Variants in ITPR1 observed in about 807,000 individuals in gnomAD.
ITPR1 encodes inositol 1,4,5-trisphosphate-gated calcium channel ITPR1.
A neutral mutation model predicts 318.4 loss-of-function variants in ITPR1; 96 were observed. The observed-to-expected ratio is 0.30, with a 90% confidence interval of 0.26 to 0.36. ITPR1 has a LOEUF of 0.36. Ranked by LOEUF, ITPR1 falls within the 10% of genes least tolerant of loss-of-function variation. The pLI is 1.00. For synonymous variants in ITPR1, 1,312 were observed against 1,289.9 expected (o/e 1.02, Z -0.37); for missense variants, 2,440 against 3,460.2 (o/e 0.71, Z 7.40).
chr3:4,633,152 G>A (rs2093068572), intron 5 of ITPR1, among the ~76,000 whole-genome samples: 1 of 151,902 alleles, frequency 6.6e-6, no homozygotes, highest in Non-Finnish European at 1.5e-5. Context: ...TGGCCAGGAT[G>A]GTCTCGATCT....
At chr3:4,845,931 A>G (rs930562399) in intron 61 of ITPR1, among the ~76,000 whole-genome samples, 2 of 152,218 alleles carry the variant, frequency 1.3e-5, no homozygotes, top group African/African-American at 4.8e-5. Context: ...TGAATGTTAC[A>G]TTGCATGACT....
intron 23 of ITPR1, among the ~76,000 whole-genome samples, chr3:4,676,013 A>G (rs879612031): frequency 1.3e-5 from 2 of 152,102 alleles, no homozygotes; most frequent in Non-Finnish European, 2.9e-5. Flanking sequence ...TTATGTACCT[A>G]GTTCTGTGCT....
At chr3:4,777,007 T>A (rs2046526606) in intron 47 of ITPR1, among the ~76,000 whole-genome samples, 1 of 152,236 alleles carries the variant, frequency 6.6e-6, no homozygotes, top group Non-Finnish European at 1.5e-5. Context: ...CTGTGCTGCA[T>A]GATTTGGATT....
At chr3:4,630,091 G>C (rs766912700) in intron 5 of ITPR1, among the ~76,000 whole-genome samples, 1 of 152,054 alleles carries the variant, frequency 6.6e-6, no homozygotes, top group South Asian at 2.1e-4. Context: ...AAATTATAAA[G>C]GAGAAATAAA....
chr3:4,721,059 G>A (rs958802331), intron 40 of ITPR1, among the ~76,000 whole-genome samples: 1 of 151,030 alleles, frequency 6.6e-6, no homozygotes, highest in Non-Finnish European at 1.5e-5. Context: ...CAACCACAGA[G>A]CAAACTCAAC....
chr3:4,738,455 A>T (rs1186115519), intron 44 of ITPR1, among the ~76,000 whole-genome samples: 1 of 152,166 alleles, frequency 6.6e-6, no homozygotes, highest in African/African-American at 2.4e-5. Flanking sequence ...GTTGGCTGAA[A>T]TGGCGTCTGA....
intron 61 of ITPR1, among the ~76,000 whole-genome samples, chr3:4,841,811 A>C (rs1478929395): frequency 1.3e-5 from 2 of 152,218 alleles, no homozygotes; most frequent in Non-Finnish European, 2.9e-5. Context: ...ATTTGAGATC[A>C]ACTCTAAGAA....
At chr3:4,665,462 A>G (rs1055193861) in intron 17 of ITPR1, among the ~76,000 whole-genome samples, 166 bp downstream of exon 17, 2 of 152,204 alleles carry the variant, frequency 1.3e-5, no homozygotes, top group African/African-American at 4.8e-5. Flanking sequence ...GAAGAATATT[A>G]TTACCTAATC....
intron 44 of ITPR1, among the ~76,000 whole-genome samples, chr3:4,754,177 A>G (rs2044775796): frequency 6.6e-6 from 1 of 152,066 alleles, no homozygotes; most frequent in African/African-American, 2.4e-5. Flanking sequence ...GGTACACAGA[A>G]TGGAAATAAG....
Position 4,611,700 on chromosome 3 carries a change from C to G in ITPR1, c.164-16063C>G, listed in dbSNP as rs1285783997. ...GGCCGCGGCTGCAGTGAGCTGAGAT[C>G]ATGCCACTGCACTCCAGCTTGGGTG... On this transcript the variant is annotated intron_variant, in intron 4 of 61. Coordinates refer to ENST00000649015, the MANE Select transcript of ITPR1 (RefSeq NM_001378452.1). Among the ~76,000 whole-genome samples the G allele has an allele frequency of 2.0e-5, 3 of 152,230 alleles. No homozygotes were observed. In the East Asian group the frequency reaches 5.8e-4, roughly 29 times the overall value.
At chr3:4,682,672 T>G (rs2094323138) in intron 26 of ITPR1, among the ~76,000 whole-genome samples, 1 of 152,228 alleles carries the variant, frequency 6.6e-6, no homozygotes, top group African/African-American at 2.4e-5. Flanking sequence ...GCCATTTTCC[T>G]CATAGTGAAC....
chr3:4,507,052 G>T (rs1299418829), intron 2 of ITPR1, among the ~76,000 whole-genome samples: 1 of 148,992 alleles, frequency 6.7e-6, no homozygotes, highest in East Asian at 1.9e-4. Context: ...TATTTTTAAT[G>T]AACAATAAGA....
chr3:4,815,651 G>A (rs2049246361), intron 59 of ITPR1, among the ~76,000 whole-genome samples: 1 of 152,100 alleles, frequency 6.6e-6, no homozygotes, highest in Non-Finnish European at 1.5e-5. Flanking sequence ...GAGGTGCATG[G>A]ACACCAAACA....
At chr3:4,704,229 A>G (rs2094711915) in intron 36 of ITPR1, among the ~76,000 whole-genome samples, 1 of 152,206 alleles carries the variant, frequency 6.6e-6, no homozygotes, top group African/African-American at 2.4e-5. Flanking sequence ...CCTGACCAAC[A>G]TGGAGAAACC....
Position 4,846,294 on chromosome 3 carries a change from C to A in ITPR1, c.*69C>A, listed in dbSNP as rs374393849. ...TTAGTGTGGGTATGGCTAATGAGTT[C>A]TGATTCACCCACGAAGGTTACATTT... is the stretch of plus-strand genomic sequence containing the variant. On this transcript the variant is annotated 3_prime_UTR_variant, in exon 62 of 62. Transcript: ENST00000649015. 18 of 1,015,634 alleles carry A rather than the reference C, an allele frequency of 1.8e-5. No homozygotes were observed. The highest frequency in any genetic ancestry group is 1.6e-4 in the African/African-American group (10 of 62,390). 62.9% of individuals were successfully genotyped at this position (1,015,634 alleles called of 1,614,324 possible).
chr3:4,726,689 G>A (rs149297523), intron 41 of ITPR1, among the ~76,000 whole-genome samples: 185 of 152,262 alleles, frequency 1.2e-3, no homozygotes, highest in Middle Eastern at 6.8e-3. Flanking sequence ...GGGGAAAGCC[G>A]TGGTCCCATA....
At chr3:4,809,061 G>A (rs975918381) in intron 55 of ITPR1, among the ~76,000 whole-genome samples, 5 of 152,158 alleles carry the variant, frequency 3.3e-5, no homozygotes, top group South Asian at 2.1e-4. Flanking sequence ...TTAAAACAGC[G>A]CAATCCTGTG....
At chr3:4,507,809 G>A (rs1210287900) in intron 2 of ITPR1, among the ~76,000 whole-genome samples, 1 of 152,164 alleles carries the variant, frequency 6.6e-6, no homozygotes, top group East Asian at 1.9e-4. Context: ...AAATTAGATT[G>A]ATGCTTATTG....
intron 44 of ITPR1, among the ~76,000 whole-genome samples, chr3:4,741,614 A>T (rs2043710555): frequency 6.6e-6 from 1 of 151,878 alleles, no homozygotes; most frequent in South Asian, 2.1e-4. Flanking sequence ...GAAATCTCAC[A>T]TCCCTTCCGG....
Sources: gnomAD v4.1 joint callset for allele counts (sites outside exome capture counted in the v4.1 genomes callset) on GRCh38, gnomAD v4.1.1 for gene constraint, MANE v1.5 for transcripts, NCBI Gene and HGNC (gene_info 2026-07-23, HGNC 2026-07-21) for gene names.